The following NCOR2 variants were observed in gnomAD, a reference collection of about 807,000 sequenced individuals.
NCOR2 encodes the protein nuclear receptor corepressor 2, also known as CTG repeat protein 26.
A neutral mutation model predicts 262.9 loss-of-function variants in NCOR2; 81 were observed. That is an observed-to-expected ratio of 0.31 (90% CI 0.26 to 0.37). The LOEUF (loss-of-function observed/expected upper bound fraction) is 0.37, where lower values mean the gene tolerates loss of function less well. Among genes scored for constraint, NCOR2 ranks in the 10% least tolerant of loss-of-function variants. The pLI is 1.00. For missense variants in NCOR2, 3,385 were observed against 3,621.4 expected, an observed-to-expected ratio of 0.93 and a Z score of 1.68; for synonymous variants, 1,659 against 1,559.3, an observed-to-expected ratio of 1.06 and a Z score of -1.51.
chr12:124,403,265 G>A (rs1343329301), intron 13 of NCOR2, among the ~76,000 whole-genome samples: 1 of 152,154 alleles, frequency 6.6e-6, no homozygotes, highest in Non-Finnish European at 1.5e-5. Context: ...CCTGGGCCTG[G>A]TCTCCCTCGC....
At chr12:124,430,819 G>C (rs750481313) in intron 8 of NCOR2, 32 bp from the exon 11 acceptor site, 2 of 1,566,746 alleles carry the variant, frequency 1.3e-6, no homozygotes, top group South Asian at 2.3e-5. Context: ...TGCGGAAGAT[G>C]CTCCTGCACC....
intron 18 of NCOR2, 100 bp from the exon 21 acceptor site, chr12:124,374,563 A>G: frequency 8.7e-7 from 1 of 1,146,772 alleles, no homozygotes; most frequent in Non-Finnish European, 1.3e-6. Flanking sequence ...AGCCCAGTGC[A>G]CAGCAGTGAG....
Position 124,429,707 on chromosome 12 carries a change from C to CT in NCOR2, c.1056-2dup. 1 of 1,599,028 alleles carries CT rather than the reference C, an allele frequency of 6.3e-7. No homozygotes were observed. The highest frequency in any genetic ancestry group is 8.5e-7 in the Non-Finnish European group (1 of 1,172,788). ...CCCACTGCCCCGCTGGCCCACCCTG[C>CT]TGGGGACCAAGGGGACACACTCAGG... On this transcript the variant is annotated splice_acceptor_variant, in intron 9 of 46. Transcript: ENST00000405201. LOFTEE classifies it high-confidence loss of function.
chr12:124,465,040 C>G (rs1184761419), intron 5 of NCOR2, among the ~76,000 whole-genome samples: 1 of 152,146 alleles, frequency 6.6e-6, no homozygotes, highest in Non-Finnish European at 1.5e-5. Context: ...TCCAGTAGTT[C>G]CCTGCCTCAG....
chr12:124,457,019 T>C lies in NCOR2; in HGVS notation c.762+87A>G. On this transcript the variant is annotated intron_variant, in intron 6 of 46. Coordinates refer to ENST00000405201, the Ensembl canonical transcript of NCOR2. The surrounding 1 kb of genome is among the most constrained non-coding windows in gnomAD (Gnocchi z 4.0). ...CAGCGCTTGGTAATAGATGACTTCC[T>C]CCTCCGCCGCACCCTCCCGCCTCCC... 3.6e-6 allele frequency: 4 copies of C among 1,096,204 alleles called. No homozygotes were observed. The highest frequency in any genetic ancestry group is 4.9e-6 in the Non-Finnish European group (4 of 816,096). The allele number at this position is 1,096,204 out of a possible 1,614,324, so 67.9% of individuals were successfully genotyped here.
chr12:124,565,082 C>G lies in NCOR2; in HGVS notation c.-165+2226G>C, dbSNP rs186959536. Among the ~76,000 whole-genome samples the G allele has an allele frequency of 5.3e-3, 807 of 152,282 alleles. 7 individuals carry two copies. The highest frequency in any genetic ancestry group is 0.018 in the African/African-American group (750 of 41,548). On this transcript the variant is annotated intron_variant, in intron 1 of 32. Transcript: ENST00000458234. ...ATAAATCCTTCCCACATAACCAAAC[C>G]CTCTCCGAGAGGGGGAGGGGGAGAG...
intron 1 of NCOR2, among the ~76,000 whole-genome samples, chr12:124,550,147 G>A (rs1218610326): frequency 8.9e-6 from 1 of 112,948 alleles, no homozygotes; most frequent in Non-Finnish European, 1.9e-5. Context: ...AGCAGCCCCT[G>A]CAACAGAGAG....
chr12:124,455,760 C>T (rs992217635), intron 6 of NCOR2, among the ~76,000 whole-genome samples: 6 of 152,232 alleles, frequency 3.9e-5, no homozygotes, highest in African/African-American at 1.4e-4. Flanking sequence ...CTAGAGCCTC[C>T]GCCTGTCCCA....
At chr12:124,455,803 C>T (rs1252021405) in intron 6 of NCOR2, among the ~76,000 whole-genome samples, 1 of 152,358 alleles carries the variant, frequency 6.6e-6, no homozygotes, top group Admixed American at 6.5e-5. Context: ...GGGAGGTCAG[C>T]CCCTTTCCTA....
chr12:124,330,726 A>G, intron 44 of NCOR2, 119 bp downstream of exon 46: 1 of 1,150,890 alleles, frequency 8.7e-7, no homozygotes, highest in Non-Finnish European at 1.2e-6. Flanking sequence ...TTCATCCCAG[A>G]ATGAGGGGGT....
chr12:124,461,258 G>C (rs2046146490), intron 5 of NCOR2, among the ~76,000 whole-genome samples: 1 of 152,254 alleles, frequency 6.6e-6, no homozygotes, highest in Admixed American at 6.5e-5. Context: ...ACGCCGCAGG[G>C]GAGGTGGCCA....
At chr12:124,397,106 G>A (rs962349994) in intron 16 of NCOR2, among the ~76,000 whole-genome samples, 2 of 152,196 alleles carry the variant, frequency 1.3e-5, no homozygotes, top group African/African-American at 4.8e-5. Flanking sequence ...ACAGGGACAT[G>A]GGCGGGGACA....
intron 40 of NCOR2, 41 bp downstream of exon 42, chr12:124,335,094 G>A (rs774143795): frequency 1.2e-6 from 2 of 1,612,180 alleles, no homozygotes; most frequent in South Asian, 1.1e-5. Flanking sequence ...GGTGCCCCCA[G>A]GTGCAAAGGT....
At chr12:124,449,764 G>T in intron 7 of NCOR2, 51 bp downstream of exon 9, 1 of 1,597,470 alleles carries the variant, frequency 6.3e-7, no homozygotes, top group Non-Finnish European at 8.6e-7. Flanking sequence ...CTGAGAGCCT[G>T]CTCGCCCACC....
intron 15 of NCOR2, among the ~76,000 whole-genome samples, chr12:124,398,909 A>C (rs1380606955): frequency 4.6e-5 from 7 of 152,180 alleles, no homozygotes; most frequent in Admixed American, 4.6e-4. Flanking sequence ...GGTTGGCTGG[A>C]GGTGGCTGCA....
At chr12:124,417,086 G>GGAGAGCAGACCAGACAC (rs2042923865) in intron 13 of NCOR2, among the ~76,000 whole-genome samples, 1 of 103,994 alleles carries the variant, frequency 9.6e-6, no homozygotes, top group African/African-American at 4.6e-5. Context: ...AGGCCGGACA[G>GGAGAGCAGACCAGACAC]TCACTCCACG....
intron 16 of NCOR2, among the ~76,000 whole-genome samples, chr12:124,392,684 G>C (rs947752063): frequency 6.6e-6 from 1 of 152,258 alleles, no homozygotes; most frequent in African/African-American, 2.4e-5. Context: ...GGTGGGCACA[G>C]CCCAAGGCTT....
exon 8 of NCOR2, chr12:124,437,974 G>C (rs2044460961): frequency 2.5e-6 from 4 of 1,612,148 alleles, no homozygotes; most frequent in Non-Finnish European, 3.4e-6. Context: ...TACAAGATTA[G>C]CTTCTTCCGC....
At chr12:124,429,180 C>T (rs996861892) in intron 10 of NCOR2, among the ~76,000 whole-genome samples, 2 of 152,374 alleles carry the variant, frequency 1.3e-5, no homozygotes, top group Admixed American at 6.5e-5. Flanking sequence ...GCGCCATGCT[C>T]CCCCCACCCT....
Sources: gnomAD v4.1 joint callset for allele counts (sites outside exome capture counted in the v4.1 genomes callset) on GRCh38, gnomAD v4.1.1 for gene constraint, Gnocchi (gnomAD v3.1) non-coding constraint, MANE v1.5 for transcripts, NCBI Gene and HGNC (gene_info 2026-07-23, HGNC 2026-07-21) for gene names.